GFI1B: variants seen among roughly 807,000 people sequenced by gnomAD.
GFI1B encodes the protein growth factor independent 1B transcriptional repressor, also known as zinc finger protein Gfi-1b.
In GFI1B, 20 loss-of-function variants were observed where a neutral mutation model predicts 35.3. The ratio of observed to expected loss-of-function variants is 0.57; its 90% CI spans 0.40 to 0.82. The LOEUF is 0.82. Among genes scored for constraint, GFI1B ranks in the 40% least tolerant of loss-of-function variants. The pLI is 0.00. For synonymous variants in GFI1B, 178 were observed against 177.6 expected (o/e 1.00, Z -0.02); for missense variants, 430 against 446.3 (o/e 0.96, Z 0.33).
At chr9:132,987,491 C>G (rs1245926006) in intron 3 of GFI1B, 72 bp downstream of exon 3, 10 of 1,573,348 alleles carry the variant, frequency 6.4e-6, no homozygotes, top group Non-Finnish European at 8.7e-6. Flanking sequence ...ACTCTTGCAG[C>G]AGGGCCCCTT....
intron 1 of GFI1B, among the ~76,000 whole-genome samples, chr9:132,948,634 C>G (rs2132578870): frequency 6.6e-6 from 1 of 152,364 alleles, no homozygotes; most frequent in East Asian, 1.9e-4. Flanking sequence ...CGTTGGTGGG[C>G]AACCCCCGCA....
Position 132,989,492 on chromosome 9 carries a change from C to G in GFI1B, c.649-250C>G, listed in dbSNP as rs567771318. Among the ~76,000 whole-genome samples, 3 of 152,352 alleles carry G rather than the reference C, an allele frequency of 2.0e-5. No homozygotes were observed. In the East Asian group the frequency reaches 5.8e-4, roughly 29 times the overall value. ...TAAAGAACCTCTGAGATCAGTCAGT[C>G]CATCAGTCAATCAACGAACATTTAT... On this transcript the variant is annotated intron_variant, in intron 5 of 6. Coordinates refer to ENST00000372122, the MANE Select transcript of GFI1B (RefSeq NM_001377304.1). The surrounding 1 kb of genome is among the most constrained non-coding windows in gnomAD (Gnocchi z 6.2).
intron 1 of GFI1B, among the ~76,000 whole-genome samples, chr9:132,955,827 T>TGTGTGA (rs1429625841): frequency 2.0e-5 from 3 of 151,808 alleles, no homozygotes; most frequent in Non-Finnish European, 4.4e-5. Context: ...TGTGTGTGTG[T>TGTGTGA]GTGTGTGTGT....
At chr9:132,977,316 G>A (rs1311763318), upstream of GFI1B, among the ~76,000 whole-genome samples, 1 of 152,100 alleles carries the variant, frequency 6.6e-6, no homozygotes, top group African/African-American at 2.4e-5. Flanking sequence ...AGAGCTGGGA[G>A]CAGTGGTCTG....
At chr9:132,983,007 G>C (rs1848884028) in intron 1 of GFI1B, among the ~76,000 whole-genome samples, 1 of 151,978 alleles carries the variant, frequency 6.6e-6, no homozygotes, top group Admixed American at 6.6e-5. Flanking sequence ...CCTTGTTGTG[G>C]GGCCCAGGGT....
intron 1 of GFI1B, among the ~76,000 whole-genome samples, chr9:132,947,669 C>T (rs11243946): frequency 6.6e-6 from 1 of 151,586 alleles, no homozygotes; most frequent in African/African-American, 2.4e-5. Context: ...ATTAGCCAGG[C>T]GTGGTGGCGG....
intron 1 of GFI1B, among the ~76,000 whole-genome samples, chr9:132,946,148 C>T (rs1376036092): frequency 6.6e-6 from 1 of 152,138 alleles, no homozygotes; most frequent in African/African-American, 2.4e-5. Flanking sequence ...ACGTCTAGAG[C>T]CACGAAGGCT....
chr9:132,981,517 A>T (rs1848819606), intron 1 of GFI1B, among the ~76,000 whole-genome samples: 1 of 152,136 alleles, frequency 6.6e-6, no homozygotes, highest in African/African-American at 2.4e-5. Flanking sequence ...GCATGCCTGT[A>T]GTCCCAGCTA....
In GFI1B at chr9:132,949,324, TAC is replaced by T. The variant is rs60835289; in HGVS notation, c.-701+3671_-701+3672del. 7.6e-4 allele frequency among the ~76,000 whole-genome samples: 105 copies of T among 137,808 alleles called. 1 individual carries two copies. Among genetic ancestry groups the T allele is most frequent in the South Asian group, 1.7e-3 (7 of 4,234 alleles). The allele number at this position is 137,808 out of a possible 152,430, so 90.4% of individuals were successfully genotyped here. A position where few individuals can be genotyped will look rare whatever the true frequency, so the allele number is the denominator to read the frequency against. On this transcript the variant is annotated intron_variant, in intron 1 of 10. Coordinates refer to the GFI1B transcript ENST00000339463. ...ACACACATCAAGCCAAACCCACAGA[TAC>T]ACACACACACACACATACACACACA...
rs374915453 is a variant in GFI1B, at chr9:132,960,690, T to C, written c.-700-12035T>C. ...TTTTTTATTTTTATTTTTTTAGAGA[T>C]TGGGCCTAACTATGTTTCCCAGGCT... On this transcript the variant is annotated intron_variant, in intron 1 of 10. Transcript: ENST00000339463. 1.6e-3 allele frequency among the ~76,000 whole-genome samples: 236 copies of C among 151,960 alleles called. 1 individual carries two copies. Among genetic ancestry groups the C allele is most frequent in the African/African-American group, 4.7e-3 (196 of 41,430 alleles).
Position 132,984,352 on chromosome 9 carries a change from A to G in GFI1B, c.-20-2307A>G, listed in dbSNP as rs555592886. ...CCTGGTGAGGGAGGGGGAGGAGGCA[A>G]GAGGAGGAAGACGTGTCCCTGGGAG... On this transcript the variant is annotated intron_variant, in intron 1 of 6. Transcript: ENST00000372122. 4.6e-5 allele frequency among the ~76,000 whole-genome samples: 7 copies of G among 152,170 alleles called. No individual in the cohort carries two copies. In the East Asian group the frequency reaches 1.4e-3, roughly 29 times the overall value.
At chr9:132,977,304 A>G (rs1316898283), upstream of GFI1B, among the ~76,000 whole-genome samples, 1 of 152,212 alleles carries the variant, frequency 6.6e-6, no homozygotes, top group East Asian at 1.9e-4. Flanking sequence ...AAGAGAGACC[A>G]CAGAGCTGGG....
chr9:132,957,403 T>G (rs1339300414), intron 1 of GFI1B, among the ~76,000 whole-genome samples: 1 of 152,224 alleles, frequency 6.6e-6, no homozygotes, highest in East Asian at 1.9e-4. Flanking sequence ...TTCTAAGCAC[T>G]CTACATGTAT....
At chr9:132,949,357 A>ACACACC (rs1848168095) in intron 1 of GFI1B, among the ~76,000 whole-genome samples, 1 of 149,778 alleles carries the variant, frequency 6.7e-6, no homozygotes, top group African/African-American at 2.5e-5. Flanking sequence ...ACACACACAC[A>ACACACC]CCCCCAACCC....
Position 132,989,109 on chromosome 9 carries a change from A to G in GFI1B, c.559A>G (p.Ser187Gly), listed in dbSNP as rs1269061411. ...GLEVHVRRSH[S>G]GTRPFACDIC... is the part of the protein sequence containing the mutation. ...CGAAGTGCATGTGCGACGCTCCCAT[A>G]GTGGGACCCGGCCCTTCGCCTGTGA... The change falls in exon 5 of 7, where the codon AGT becomes GGT. Residue 187 changes from serine (S) to glycine (G), a missense_variant. Coordinates refer to ENST00000372122, the MANE Select transcript of GFI1B (RefSeq NM_001377304.1). The surrounding 1 kb of genome is among the most constrained non-coding windows in gnomAD (Gnocchi z 6.2). The G allele has an allele frequency of 6.2e-7, 1 of 1,613,938 alleles. No homozygotes were observed. Among genetic ancestry groups the G allele is most frequent in the Admixed American group, 1.7e-5 (1 of 60,028 alleles).
At chr9:132,984,672 A>G (rs1848967615) in intron 1 of GFI1B, among the ~76,000 whole-genome samples, 1 of 152,088 alleles carries the variant, frequency 6.6e-6, no homozygotes, top group Non-Finnish European at 1.5e-5. Context: ...GCTCCCCACC[A>G]TCCCATGTGG....
chr9:132,979,231 A>G (rs1335122424), intron 1 of GFI1B, among the ~76,000 whole-genome samples: 2 of 147,844 alleles, frequency 1.4e-5, no homozygotes, highest in East Asian at 4.1e-4. Context: ...GGACTTGACT[A>G]AAGTTCCTGG....
At chr9:132,983,480 C>T (rs964976798) in intron 1 of GFI1B, among the ~76,000 whole-genome samples, 2 of 152,138 alleles carry the variant, frequency 1.3e-5, no homozygotes, top group African/African-American at 4.8e-5. Context: ...CAGGTGTGAG[C>T]CACTGCACCC....
At chr9:132,966,228 G>A (rs538233143) in intron 1 of GFI1B, among the ~76,000 whole-genome samples, 38 of 152,134 alleles carry the variant, frequency 2.5e-4, no homozygotes, top group African/African-American at 8.4e-4. Context: ...GTGTGGTGGC[G>A]CGTACCTATA....
Sources: gnomAD v4.1 joint callset for allele counts (sites outside exome capture counted in the v4.1 genomes callset) on GRCh38, gnomAD v4.1.1 for gene constraint, Gnocchi (gnomAD v3.1) non-coding constraint, MANE v1.5 for transcripts, NCBI Gene and HGNC (gene_info 2026-07-23, HGNC 2026-07-21) for gene names.